ERC2: variants seen among roughly 807,000 people sequenced by gnomAD.
ERC2 encodes ELKS/RAB6-interacting/CAST family member 2.
ERC2 carries 42 observed loss-of-function variants against 114.8 expected under a neutral mutation model. That is an observed-to-expected ratio of 0.37 (90% CI 0.29 to 0.47). ERC2 has a LOEUF of 0.47. ERC2 is among the 20% of genes least tolerant of loss of function. The pLI, the probability that ERC2 is intolerant of heterozygous loss-of-function variation, is 0.99. For missense variants in ERC2, 939 were observed against 1,150.7 expected (o/e 0.82, Z 2.66); for synonymous variants, 454 against 425.5 (o/e 1.07, Z -0.82).
At chr3:55,732,449 A>G (rs1202286423) in intron 15 of ERC2, among the ~76,000 whole-genome samples, 1 of 152,120 alleles carries the variant, frequency 6.6e-6, no homozygotes, top group Non-Finnish European at 1.5e-5. Flanking sequence ...ACAGGAGCTG[A>G]ACTCTGCGTA....
intron 14 of ERC2, among the ~76,000 whole-genome samples, chr3:55,811,981 ATGCATCAGCTGCTCATCC>A (rs1445175840): frequency 6.6e-6 from 1 of 152,162 alleles, no homozygotes. Flanking sequence ...TCAGCTCCAC[ATGCATCAGCTGCTCATCC>A]TGATGCTCTC....
At chr3:55,742,170 C>A (rs1047128263) in intron 14 of ERC2, among the ~76,000 whole-genome samples, 3 of 151,918 alleles carry the variant, frequency 2.0e-5, no homozygotes, top group African/African-American at 7.3e-5. Context: ...AAGATAAATG[C>A]CTTCTTTTGA....
At chr3:56,213,397 C>G (rs2049211741) in intron 3 of ERC2, among the ~76,000 whole-genome samples, 1 of 152,176 alleles carries the variant, frequency 6.6e-6, no homozygotes, top group Non-Finnish European at 1.5e-5. Flanking sequence ...GGGTCCTACG[C>G]CCACGGAGCC....
intron 15 of ERC2, among the ~76,000 whole-genome samples, chr3:55,725,816 T>G (rs2064875579): frequency 2.0e-5 from 3 of 152,178 alleles, no homozygotes; most frequent in Admixed American, 2.0e-4. Flanking sequence ...AGAAAATACT[T>G]TGCCTCCATA....
intron 17 of ERC2, among the ~76,000 whole-genome samples, chr3:55,608,827 A>T (rs1228967669): frequency 6.6e-6 from 1 of 152,210 alleles, no homozygotes; most frequent in Non-Finnish European, 1.5e-5. Flanking sequence ...AGGATTTCCC[A>T]CACTGACCTG....
chr3:55,740,918 C>T (rs1373495367), intron 14 of ERC2, among the ~76,000 whole-genome samples: 1 of 152,044 alleles, frequency 6.6e-6, no homozygotes, highest in Non-Finnish European at 1.5e-5. Flanking sequence ...CTCATTGCAG[C>T]GTTCTGGATT....
intron 2 of ERC2, among the ~76,000 whole-genome samples, chr3:56,304,425 T>C (rs1485222204): frequency 6.6e-6 from 1 of 152,164 alleles, no homozygotes; most frequent in Admixed American, 6.5e-5. Flanking sequence ...TCTGCAGCTA[T>C]TAAATAAATA....
At chr3:56,354,505 A>G (rs1230832365) in intron 2 of ERC2, among the ~76,000 whole-genome samples, 2 of 152,176 alleles carry the variant, frequency 1.3e-5, no homozygotes, top group Non-Finnish European at 2.9e-5. Flanking sequence ...CTTACAATGC[A>G]CAGGGCAGTC....
intron 14 of ERC2, among the ~76,000 whole-genome samples, chr3:55,749,743 A>G (rs778650963): frequency 6.6e-5 from 10 of 152,206 alleles, no homozygotes; most frequent in Non-Finnish European, 1.2e-4. Context: ...CCCAGCCAGC[A>G]GCGGCAACCC....
chr3:55,718,002 C>T (rs1353031581), intron 15 of ERC2, among the ~76,000 whole-genome samples: 4 of 152,112 alleles, frequency 2.6e-5, no homozygotes, highest in Non-Finnish European at 5.9e-5. Flanking sequence ...AAGGAGATGT[C>T]GGGATAATTT....
At chr3:55,549,466 T>G (rs1418946452) in intron 17 of ERC2, among the ~76,000 whole-genome samples, 1 of 145,936 alleles carries the variant, frequency 6.9e-6, no homozygotes, top group Non-Finnish European at 1.5e-5. Context: ...GCGGAGCAAA[T>G]GCCGCCTTAC....
chr3:56,019,127 G>C, intron 7 of ERC2, 96 bp from the exon 8 acceptor site: 1 of 932,994 alleles, frequency 1.1e-6, no homozygotes, highest in Middle Eastern at 2.8e-4. Context: ...GAAAGAAAAA[G>C]ACCTGAAATG....
chr3:55,882,669 T>A (rs1420887791), intron 14 of ERC2, among the ~76,000 whole-genome samples: 3 of 152,346 alleles, frequency 2.0e-5, no homozygotes, highest in Admixed American at 6.5e-5. Flanking sequence ...ATTTAAAGCA[T>A]ACAGGAGGAT....
chr3:56,224,251 C>A (rs1313902316), intron 3 of ERC2, among the ~76,000 whole-genome samples: 1 of 152,172 alleles, frequency 6.6e-6, no homozygotes, highest in African/African-American at 2.4e-5. Context: ...AATCCCACTA[C>A]TAGGAATTTG....
chr3:55,566,772 C>T (rs540271950), intron 17 of ERC2, among the ~76,000 whole-genome samples: 1 of 152,172 alleles, frequency 6.6e-6, no homozygotes, highest in South Asian at 2.1e-4. Flanking sequence ...AATCTTGGCT[C>T]ACTGAAACCT....
At chr3:56,016,836 G>A (rs1240261836) in intron 8 of ERC2, among the ~76,000 whole-genome samples, 1 of 151,986 alleles carries the variant, frequency 6.6e-6, no homozygotes, top group East Asian at 1.9e-4. Context: ...AGGTGGGACT[G>A]GCCCCTAGGT....
intron 16 of ERC2, among the ~76,000 whole-genome samples, chr3:55,688,995 A>G (rs866402469): frequency 5.3e-5 from 8 of 152,158 alleles, no homozygotes; most frequent in Non-Finnish European, 7.4e-5. Context: ...CAGTGGTGAA[A>G]GCGAAACTTC....
intron 12 of ERC2, among the ~76,000 whole-genome samples, chr3:55,984,652 A>G (rs2070447557): frequency 6.6e-6 from 1 of 152,182 alleles, no homozygotes; most frequent in South Asian, 2.1e-4. Context: ...GTTCTGCTCC[A>G]GAAAGTAAAT....
At chr3:56,280,897 A>G (rs968950434) in intron 3 of ERC2, among the ~76,000 whole-genome samples, 1 of 152,220 alleles carries the variant, frequency 6.6e-6, no homozygotes, top group Non-Finnish European at 1.5e-5. Context: ...ATCTTTAAAA[A>G]GAGAATAAAT....
Sources: allele counts gnomAD v4.1 joint callset (sites outside exome capture counted in the v4.1 genomes callset), GRCh38; gene constraint gnomAD v4.1.1; transcripts MANE v1.5; gene names NCBI Gene and HGNC (gene_info 2026-07-23, HGNC 2026-07-21).